The following TXN2 variants were observed in gnomAD, a reference collection of about 807,000 sequenced individuals.
TXN2 encodes the protein thioredoxin, mitochondrial.
TXN2 carries 12 observed loss-of-function variants against 14.6 expected under a neutral mutation model. The ratio of observed to expected loss-of-function variants is 0.82; its 90% CI spans 0.53 to 1.33. TXN2 has a LOEUF of 1.33. Among genes scored for constraint, TXN2 ranks in the 40% most tolerant of loss-of-function variants. TXN2 has a pLI of 0.00. For missense variants in TXN2, 173 were observed against 207.7 expected (o/e 0.83, Z 1.03); for synonymous variants, 89 against 81.0 (o/e 1.10, Z -0.53).
intron 3 of TXN2, among the ~76,000 whole-genome samples, chr22:36,469,467 G>A (rs1933228183): frequency 6.6e-6 from 1 of 152,192 alleles, no homozygotes; most frequent in Non-Finnish European, 1.5e-5. Context: ...ACAACCTGAC[G>A]CTTATTAGCA....
rs779941674 is a variant in TXN2 at position 36,467,759 on chromosome 22, T to C, written c.*45A>G. 2.4e-5 allele frequency: 36 copies of C among 1,517,196 alleles called. No individual in the cohort carries two copies. The highest frequency in any genetic ancestry group is 2.2e-4 in the Middle Eastern group (1 of 4,450). 94.0% of individuals were successfully genotyped at this position (1,517,196 alleles called of 1,614,324 possible). A position where few individuals can be genotyped will look rare whatever the true frequency, so the allele number is the denominator to read the frequency against. On this transcript the variant is annotated 3_prime_UTR_variant, in exon 4 of 4. Transcript: ENST00000216185. ...GCTGGCATGGAAGGGCTGAGTTCTATTGGGGTCCCACGCGGGCAAGGGAAC... is the reference window on the plus strand; with the variant it reads ...GCTGGCATGGAAGGGCTGAGTTCTACTGGGGTCCCACGCGGGCAAGGGAAC...
Position 36,481,610 on chromosome 22 carries a change from C to T in TXN2, c.-47G>A, listed in dbSNP as rs758461140. The T allele has an allele frequency of 5.0e-6, 5 of 996,244 alleles. No homozygotes were observed. The highest frequency in any genetic ancestry group is 6.0e-6 in the Non-Finnish European group (5 of 828,236). The allele number at this position is 996,244 out of a possible 1,614,324, so 61.7% of individuals were successfully genotyped here. A position where few individuals can be genotyped will look rare whatever the true frequency, so the allele number is the denominator to read the frequency against. ...GGATGCACAGCCTAGCCCTCCCTGC[C>T]TGTCAAGGGCACGCCTGTCGTCACT... On this transcript the variant is annotated 5_prime_UTR_variant, in exon 1 of 4. Transcript: ENST00000216185.
chr22:36,474,495 T>C (rs1035690870), intron 3 of TXN2, among the ~76,000 whole-genome samples: 7 of 152,152 alleles, frequency 4.6e-5, no homozygotes, highest in Admixed American at 4.6e-4. Flanking sequence ...TGGACTTGTA[T>C]ACTCTGAGGA....
At chr22:36,468,772 T>C in intron 3 of TXN2, 1 of 384,908 alleles carries the variant, frequency 2.6e-6, no homozygotes, top group Non-Finnish European at 5.2e-6. Context: ...CTGGGCGCGG[T>C]GGCTCACACC....
chr22:36,468,894 TA>T (rs1264112521), intron 3 of TXN2, among the ~76,000 whole-genome samples: 6 of 151,654 alleles, frequency 4.0e-5, no homozygotes, highest in Admixed American at 1.3e-4. Flanking sequence ...ATACAAAAAT[TA>T]GTCGGGCATG....
At chr22:36,481,122 A>G in intron 1 of TXN2, 1 of 342,404 alleles carries the variant, frequency 2.9e-6, no homozygotes, top group Non-Finnish European at 5.4e-6. Flanking sequence ...AGATTTAATA[A>G]TGTATGTAAG....
At chr22:36,480,539 T>G (rs1933477442) in intron 2 of TXN2, 36 bp downstream of exon 2, 3 of 1,598,480 alleles carry the variant, frequency 1.9e-6, no homozygotes, top group Non-Finnish European at 8.5e-7. Context: ...CTTGAACAAG[T>G]AGGACCCTAG....
chr22:36,479,264 G>C (rs1053307506), intron 2 of TXN2, among the ~76,000 whole-genome samples: 4 of 152,064 alleles, frequency 2.6e-5, no homozygotes, highest in Non-Finnish European at 4.4e-5. Context: ...GGGTGAGTCA[G>C]AGAAACAACT....
rs1933475968 is a variant in TXN2 at position 36,480,483 on chromosome 22, G to A, written c.263+92C>T. 5 of 1,506,838 alleles carry A rather than the reference G, an allele frequency of 3.3e-6. No homozygotes were observed. The African/African-American group carries it at 4.1e-5, about 12-fold the overall frequency. 93.3% of individuals were successfully genotyped at this position (1,506,838 alleles called of 1,614,324 possible). On this transcript the variant is annotated intron_variant, in intron 2 of 3. Coordinates refer to ENST00000216185, the MANE Select transcript of TXN2 (RefSeq NM_012473.4). ...GTCTGTATATTGAGTCTACATATGA[G>A]CAGCATAGAACATGGCCGTGGGACA...
chr22:36,477,576 A>G (rs1490893736), intron 2 of TXN2, among the ~76,000 whole-genome samples: 1 of 152,198 alleles, frequency 6.6e-6, no homozygotes. Flanking sequence ...AGATCAACTA[A>G]GGCAATGTGG....
chr22:36,474,796 T>G (rs5750262), intron 3 of TXN2, among the ~76,000 whole-genome samples: 28,651 of 151,922 alleles, frequency 0.19, 2,991 homozygotes, highest in African/African-American at 0.28. Flanking sequence ...TCCGGCTGCA[T>G]TATGCTTTCC....
In TXN2 at chr22:36,476,715, C is replaced by T; in HGVS notation, c.387+18G>A. 1.2e-6 allele frequency: 2 copies of T among 1,614,106 alleles called. No homozygotes were observed. Among genetic ancestry groups the T allele is most frequent in the Non-Finnish European group, 1.7e-6 (2 of 1,179,986 alleles). On this transcript the variant is annotated intron_variant, in intron 3 of 3. Transcript: ENST00000216185. Reference sequence around the variant, plus strand: ...TCCTATACTGGCTTCCCTGTGGCAACTCCCTGTCAATCCATACCTCATACT... The same window carrying T: ...TCCTATACTGGCTTCCCTGTGGCAATTCCCTGTCAATCCATACCTCATACT...
chr22:36,471,143 T>G (rs1038313208), intron 3 of TXN2, among the ~76,000 whole-genome samples: 1 of 152,124 alleles, frequency 6.6e-6, no homozygotes, highest in East Asian at 1.9e-4. Flanking sequence ...TACATGGAAG[T>G]GCACAGGGCC....
intron 1 of TXN2, 139 bp from the exon 2 acceptor site, chr22:36,480,976 G>C: frequency 1.1e-6 from 1 of 949,716 alleles, no homozygotes; most frequent in East Asian, 3.0e-5. Flanking sequence ...AAGATTTGTA[G>C]CGTGGAAGTG....
intron 2 of TXN2, among the ~76,000 whole-genome samples, chr22:36,479,361 TC>T (rs1400671327): frequency 6.6e-6 from 1 of 151,076 alleles, no homozygotes; most frequent in South Asian, 2.1e-4. Context: ...AGATGGAGTT[TC>T]CCTCTGTCAC....
chr22:36,481,421 G>A (rs1001916640), intron 1 of TXN2, 143 bp downstream of exon 1: 1 of 192,836 alleles, frequency 5.2e-6, no homozygotes, highest in African/African-American at 2.4e-5. Context: ...GAGGGAACTG[G>A]GAAAAATCGG....
chr22:36,473,369 A>C (rs1031340455), intron 3 of TXN2, among the ~76,000 whole-genome samples: 1 of 152,112 alleles, frequency 6.6e-6, no homozygotes, highest in African/African-American at 2.4e-5. Context: ...CTTGAACCTG[A>C]GAAGCGGAGG....
At chr22:36,477,627 A>G (rs1474448233) in intron 2 of TXN2, among the ~76,000 whole-genome samples, 1 of 152,160 alleles carries the variant, frequency 6.6e-6, no homozygotes, top group East Asian at 1.9e-4. Flanking sequence ...TTCAAACACC[A>G]TGTGGACTCA....
chr22:36,467,526 C>T lies in TXN2; in HGVS notation c.*278G>A, dbSNP rs973283203. 1.1e-4 allele frequency: 44 copies of T among 402,384 alleles called. No homozygotes were observed. The highest frequency in any genetic ancestry group is 6.9e-4 in the East Asian group (14 of 20,182). The allele number at this position is 402,384 out of a possible 1,614,324, so 24.9% of individuals were successfully genotyped here. On this transcript the variant is annotated 3_prime_UTR_variant, in exon 4 of 4. Transcript: ENST00000216185. ...AACGCTGTGGGCTGGCCCAGGCTCT[C>T]GCCACACATCCTGGGAGAACTGCCA...
Sources: allele counts gnomAD v4.1 joint callset (sites outside exome capture counted in the v4.1 genomes callset), GRCh38; gene constraint gnomAD v4.1.1; transcripts MANE v1.5; gene names NCBI Gene and HGNC (gene_info 2026-07-23, HGNC 2026-07-21).